RBL1: variants seen among roughly 807,000 people sequenced by gnomAD.
RBL1 encodes retinoblastoma-like protein 1.
RBL1 carries 82 observed loss-of-function variants against 123.0 expected under a neutral mutation model. That is an observed-to-expected ratio of 0.67 (90% confidence interval 0.56 to 0.80). RBL1 has a LOEUF of 0.80. RBL1 is among the 30% of genes least tolerant of loss of function. The pLI, the probability that RBL1 is intolerant of heterozygous loss-of-function variation, is 0.00. For synonymous variants in RBL1, 405 were observed against 441.3 expected (o/e 0.92, Z 1.03); for missense variants, 1,171 against 1,299.6 (o/e 0.90, Z 1.52).
intron 14 of RBL1, among the ~76,000 whole-genome samples, chr20:37,036,583 C>T (rs2064615260): frequency 6.7e-6 from 1 of 149,988 alleles, no homozygotes; most frequent in Non-Finnish European, 1.5e-5. Context: ...TTTATTTTTA[C>T]ATTCACTAGA....
At chr20:36,999,137 G>T (rs1329317296) in intron 21 of RBL1, among the ~76,000 whole-genome samples, 1 of 152,122 alleles carries the variant, frequency 6.6e-6, no homozygotes, top group Non-Finnish European at 1.5e-5. Flanking sequence ...TTAAGGCCAG[G>T]TGTGGTGGCC....
intron 14 of RBL1, among the ~76,000 whole-genome samples, chr20:37,037,394 T>A (rs1339919562): frequency 6.6e-6 from 1 of 152,226 alleles, no homozygotes; most frequent in Non-Finnish European, 1.5e-5. Context: ...GAAAAGATGC[T>A]CACTTAGTTA....
intron 11 of RBL1, chr20:37,049,779 A>C: frequency 2.0e-6 from 1 of 502,240 alleles, no homozygotes; most frequent in East Asian, 3.1e-5. Context: ...AGAGAGAAAA[A>C]AGGCCAGACA....
chr20:37,042,843 G>A (rs2064750240), intron 13 of RBL1, among the ~76,000 whole-genome samples: 1 of 146,856 alleles, frequency 6.8e-6, no homozygotes, highest in African/African-American at 2.5e-5. Context: ...AGGCTGCAGT[G>A]AGCCGTGATG....
intron 9 of RBL1, among the ~76,000 whole-genome samples, chr20:37,058,872 A>T: frequency 6.6e-6 from 1 of 151,634 alleles, no homozygotes; most frequent in East Asian, 1.9e-4. Flanking sequence ...CCTCCCAAGT[A>T]GCTGGAATGC....
At chr20:37,068,478 A>G (rs2065219900) in intron 2 of RBL1, among the ~76,000 whole-genome samples, 1 of 152,050 alleles carries the variant, frequency 6.6e-6, no homozygotes, top group South Asian at 2.1e-4. Context: ...AAAGCAAGAC[A>G]CTGTCTTACA....
intron 15 of RBL1, 126 bp from the exon 16 acceptor site, chr20:37,033,002 A>G: frequency 7.9e-7 from 1 of 1,261,968 alleles, no homozygotes; most frequent in Non-Finnish European, 1.1e-6. Flanking sequence ...TAGTAATTCT[A>G]GGTTATGACT....
intron 21 of RBL1, 181 bp downstream of exon 21, chr20:37,003,521 T>C (rs1429778611): frequency 1.4e-5 from 16 of 1,137,824 alleles, no homozygotes; most frequent in Non-Finnish European, 1.7e-5. Context: ...TCAATAATAA[T>C]GGATTAAACT....
intron 19 of RBL1, among the ~76,000 whole-genome samples, chr20:37,011,384 A>C (rs1202567983): frequency 6.6e-6 from 1 of 151,568 alleles, no homozygotes; most frequent in Non-Finnish European, 1.5e-5. Context: ...TGCTAGGCAT[A>C]TCTCAGTCAA....
intron 1 of RBL1, among the ~76,000 whole-genome samples, chr20:37,094,957 A>C (rs2065706101): frequency 6.6e-6 from 1 of 152,182 alleles, no homozygotes; most frequent in Non-Finnish European, 1.5e-5. Context: ...ATATTAGAAT[A>C]ATCCTAGGCA....
chr20:37,015,701 A>G (rs1393127114), intron 19 of RBL1, among the ~76,000 whole-genome samples: 5 of 144,010 alleles, frequency 3.5e-5, no homozygotes, highest in South Asian at 2.2e-4. Context: ...AAGTGCTGGG[A>G]TTACAGGCGT....
chr20:36,999,147 C>A (rs1600423901), intron 21 of RBL1, among the ~76,000 whole-genome samples: 1 of 151,912 alleles, frequency 6.6e-6, no homozygotes, highest in African/African-American at 2.4e-5. Context: ...GTGTGGTGGC[C>A]TGTAATACCA....
chr20:37,001,918 T>TAAAAAAAAAAAAAAAAAAAAAAAAA (rs757774894), intron 21 of RBL1, among the ~76,000 whole-genome samples: 1 of 86,544 alleles, frequency 1.2e-5, no homozygotes, highest in Admixed American at 1.4e-4. Context: ...TGCAGAACAA[T>TAAAAAAAAAAAAAAAAAAAAAAAAA]AAAAAAAAAA....
At chr20:37,006,842 A>G (rs899223936) in intron 20 of RBL1, among the ~76,000 whole-genome samples, 8 of 150,868 alleles carry the variant, frequency 5.3e-5, no homozygotes, top group Non-Finnish European at 1.2e-4. Flanking sequence ...CTGTCTCAAA[A>G]AAAAAAAAAA....
At chr20:37,064,118 C>T (rs1355855590) in intron 7 of RBL1, among the ~76,000 whole-genome samples, 22 of 150,876 alleles carry the variant, frequency 1.5e-4, no homozygotes, top group Non-Finnish European at 1.2e-4. Context: ...CCACTGTGCC[C>T]GGCCTTAATT....
At chr20:37,060,921 A>G (rs983194883) in intron 9 of RBL1, among the ~76,000 whole-genome samples, 182 bp downstream of exon 9, 5 of 152,222 alleles carry the variant, frequency 3.3e-5, no homozygotes, top group Admixed American at 2.0e-4. Context: ...ACTGTTATAC[A>G]TAATTTTTAA....
chr20:37,006,593 C>A (rs1208693507), intron 20 of RBL1, among the ~76,000 whole-genome samples: 1 of 151,406 alleles, frequency 6.6e-6, no homozygotes, highest in African/African-American at 2.4e-5. Context: ...GTAATCCCAG[C>A]ACTCTGGGAG....
At chr20:37,012,756 G>T (rs1307353004) in intron 19 of RBL1, among the ~76,000 whole-genome samples, 13 of 147,808 alleles carry the variant, frequency 8.8e-5, no homozygotes, top group Non-Finnish European at 1.4e-4. Flanking sequence ...TCAGCCCCCC[G>T]CCTGGCCAGC....
rs2064689353 is a variant in RBL1, at chr20:37,039,759, A to G, written c.1903+394T>C. Among the ~76,000 whole-genome samples, 3 of 151,736 alleles carry G rather than the reference A, an allele frequency of 2.0e-5. No individual in the cohort carries two copies. The South Asian group carries it at 6.2e-4, about 32-fold the overall frequency. On this transcript the variant is annotated intron_variant, in intron 14 of 21. Transcript: ENST00000373664. ...TCTTCTTTTTCTTTTTTTCTGGGAC[A>G]TGAGGGGGGTCTCACTATTTCGCCC... is the stretch of plus-strand genomic sequence containing the variant.
Sources: allele counts gnomAD v4.1 joint callset (sites outside exome capture counted in the v4.1 genomes callset), GRCh38; gene constraint gnomAD v4.1.1; transcripts MANE v1.5; gene names NCBI Gene and HGNC (gene_info 2026-07-23, HGNC 2026-07-21).